The following CDH4 variants were observed in gnomAD, a reference collection of about 807,000 sequenced individuals.
CDH4 encodes the protein cadherin 4, also known as cadherin-4.
CDH4 carries 33 observed loss-of-function variants against 86.0 expected under a neutral mutation model. The observed-to-expected ratio is 0.38, with a 90% CI of 0.29 to 0.51. CDH4 has a LOEUF of 0.51. Among genes scored for constraint, CDH4 ranks in the 20% least tolerant of loss-of-function variants. The pLI is 0.86. For synonymous variants in CDH4, 555 were observed against 549.4 expected, an observed-to-expected ratio of 1.01 and a Z score of -0.14; for missense variants, 1,114 against 1,307.4, an observed-to-expected ratio of 0.85 and a Z score of 2.28.
intron 2 of CDH4, among the ~76,000 whole-genome samples, chr20:61,585,691 ATTGTGGT>A (rs1287738754): frequency 2.5e-4 from 5 of 20,360 alleles, no homozygotes; most frequent in Non-Finnish European, 5.5e-4. Flanking sequence ...GATGGTGATG[ATTGTGGT>A]CATGTGGAGG....
At chr20:61,585,278 C>T (rs1048672504) in intron 2 of CDH4, among the ~76,000 whole-genome samples, 3 of 152,320 alleles carry the variant, frequency 2.0e-5, no homozygotes, top group East Asian at 1.9e-4. Flanking sequence ...TCATTTCCAG[C>T]GTTTTCCTTT....
At chr20:61,926,242 G>A (rs113040796) in intron 11 of CDH4, among the ~76,000 whole-genome samples, 22 of 152,342 alleles carry the variant, frequency 1.4e-4, no homozygotes, top group African/African-American at 5.1e-4. Context: ...GAGCAAGCAC[G>A]GGAAGGAGGG....
intron 2 of CDH4, among the ~76,000 whole-genome samples, chr20:61,731,331 G>A (rs567407988): frequency 2.5e-4 from 38 of 152,206 alleles, no homozygotes; most frequent in Admixed American, 1.2e-3. Context: ...CTGTGTTCCC[G>A]CAGCACCCTT....
Position 61,329,067 on chromosome 20 carries a change from T to G in CDH4, c.169+74130T>G, listed in dbSNP as rs146568701. Among the ~76,000 whole-genome samples the G allele has an allele frequency of 1.9e-3, 289 of 152,250 alleles. 2 individuals are homozygous for G. The highest frequency in any genetic ancestry group is 6.8e-3 in the Middle Eastern group (2 of 294). Reference sequence around the variant, plus strand: ...GCCGATTTGATAGTAACATGTTGAGTGTCTTGTGCAATTTATTGAACGCTG... The same window carrying G: ...GCCGATTTGATAGTAACATGTTGAGGGTCTTGTGCAATTTATTGAACGCTG... On this transcript the variant is annotated intron_variant, in intron 2 of 15. Coordinates refer to ENST00000614565, the MANE Select transcript of CDH4 (RefSeq NM_001794.5).
chr20:61,636,911 G>A (rs1384817231), intron 2 of CDH4, among the ~76,000 whole-genome samples: 1 of 152,130 alleles, frequency 6.6e-6, no homozygotes, highest in Non-Finnish European at 1.5e-5. Context: ...CACCAGGGCC[G>A]GGCCACTCAC....
At chr20:61,545,961 CGTGTGTGT>C (rs149485653) in intron 2 of CDH4, among the ~76,000 whole-genome samples, 5 of 48,342 alleles carry the variant, frequency 1.0e-4, no homozygotes, top group South Asian at 1.1e-3. Flanking sequence ...GGTGTGTGTT[CGTGTGTGT>C]GTGTGTGTGT....
Position 61,783,007 on chromosome 20 carries a change from C to A in CDH4, c.576+9825C>A, listed in dbSNP as rs930210100. Among the ~76,000 whole-genome samples the A allele has an allele frequency of 2.6e-5, 4 of 152,170 alleles. No individual in the cohort carries two copies. In the East Asian group the frequency reaches 7.7e-4, roughly 29 times the overall value. The stretch of plus-strand genomic sequence containing the variant: ...GGCTGAGGCATGAGAATCACTTGAA[C>A]CCCGGAGGTAGAGGTTGCAGTGAGC... On this transcript the variant is annotated intron_variant, in intron 4 of 15. Coordinates refer to ENST00000614565, the MANE Select transcript of CDH4 (RefSeq NM_001794.5).
In CDH4 at chr20:61,821,433, A is replaced by G. The variant is rs59140185; in HGVS notation, c.577-23235A>G. ...GCTCCAGTCCCCTCTCACTCCCTAC[A>G]CAGCCCCCACCCCAGCCCAGATCCC... On this transcript the variant is annotated intron_variant, in intron 4 of 15. Transcript: ENST00000614565. 6.1e-3 allele frequency among the ~76,000 whole-genome samples: 97 copies of G among 15,946 alleles called. 1 individual carries two copies. The highest frequency in any genetic ancestry group is 0.012 in the Non-Finnish European group (78 of 6,664). 10.5% of individuals were successfully genotyped at this position (15,946 alleles called of 152,430 possible). A position where few individuals can be genotyped will look rare whatever the true frequency, so the allele number is the denominator to read the frequency against.
chr20:61,345,079 G>T (rs1484806474), intron 2 of CDH4, among the ~76,000 whole-genome samples: 1 of 152,180 alleles, frequency 6.6e-6, no homozygotes, highest in Admixed American at 6.5e-5. Flanking sequence ...TATCTCGTTT[G>T]GATTCCTAGC....
chr20:61,410,894 T>A (rs1343934889), intron 2 of CDH4, among the ~76,000 whole-genome samples: 1 of 151,250 alleles, frequency 6.6e-6, no homozygotes, highest in Non-Finnish European at 1.5e-5. Context: ...TTCACTGATC[T>A]CTCCATCTAT....
At chr20:61,848,304 G>T (rs981901536) in intron 5 of CDH4, among the ~76,000 whole-genome samples, 5 of 152,246 alleles carry the variant, frequency 3.3e-5, no homozygotes, top group African/African-American at 9.6e-5. Context: ...AGGCCCACCT[G>T]CCCCAGCCAC....
chr20:61,788,550 T>C (rs1979004980), intron 4 of CDH4, among the ~76,000 whole-genome samples: 1 of 152,192 alleles, frequency 6.6e-6, no homozygotes, highest in African/African-American at 2.4e-5. Context: ...TCCCTGGAGC[T>C]GACAGAGGAG....
intron 2 of CDH4, among the ~76,000 whole-genome samples, chr20:61,374,776 G>T (rs1251582491): frequency 2.0e-5 from 3 of 152,164 alleles, no homozygotes; most frequent in Admixed American, 2.0e-4. Flanking sequence ...GGTCCGACAT[G>T]CCTCATGATA....
chr20:61,879,480 T>C lies in CDH4; in HGVS notation c.1050+5580T>C, dbSNP rs1462714805. On this transcript the variant is annotated intron_variant, in intron 7 of 15. Coordinates refer to ENST00000614565, the MANE Select transcript of CDH4 (RefSeq NM_001794.5). The surrounding 1 kb of genome is among the most constrained non-coding windows in gnomAD (Gnocchi z 4.1). The stretch of plus-strand genomic sequence containing the variant: ...ACCAGCCTCCATCTGACAGAGTGAG[T>C]CATCTTTAGGAAGAAGAAAATCCAC... 6.6e-6 allele frequency among the ~76,000 whole-genome samples: 1 copy of C among 152,114 alleles called. No homozygotes were observed. The highest frequency in any genetic ancestry group is 1.5e-5 in the Non-Finnish European group (1 of 68,036).
chr20:61,286,153 A>G (rs2084292014), intron 2 of CDH4, among the ~76,000 whole-genome samples: 1 of 152,168 alleles, frequency 6.6e-6, no homozygotes, highest in Non-Finnish European at 1.5e-5. Context: ...CTCCTTCTCA[A>G]TGCCCTTTTG....
chr20:61,326,146 T>C (rs1302117238), intron 2 of CDH4, among the ~76,000 whole-genome samples: 2 of 152,188 alleles, frequency 1.3e-5, no homozygotes, highest in Admixed American at 1.3e-4. Flanking sequence ...TCCAAGTTTT[T>C]CTCATGGAAT....
chr20:61,469,400 C>G (rs571057783), intron 2 of CDH4, among the ~76,000 whole-genome samples: 10 of 152,174 alleles, frequency 6.6e-5, no homozygotes, highest in Non-Finnish European at 8.8e-5. Flanking sequence ...ATTTAAAAAA[C>G]CAGATTATTA....
intron 15 of CDH4, among the ~76,000 whole-genome samples, chr20:61,934,630 C>T (rs746217694): frequency 1.7e-4 from 26 of 152,184 alleles, no homozygotes; most frequent in South Asian, 8.3e-4. Flanking sequence ...AGCCCACTGC[C>T]GCTGTGAATG....
At chr20:61,569,503 C>G (rs1400619115) in intron 2 of CDH4, among the ~76,000 whole-genome samples, 1 of 152,162 alleles carries the variant, frequency 6.6e-6, no homozygotes. Context: ...AATATTTTCC[C>G]TGAATCATTT....
Sources: gnomAD v4.1 joint callset for allele counts (sites outside exome capture counted in the v4.1 genomes callset) on GRCh38, gnomAD v4.1.1 for gene constraint, Gnocchi (gnomAD v3.1) non-coding constraint, MANE v1.5 for transcripts, NCBI Gene and HGNC (gene_info 2026-07-23, HGNC 2026-07-21) for gene names.